The following RTN4 variants were observed in gnomAD, a reference collection of about 807,000 sequenced individuals.
RTN4 encodes reticulon 4, also known as reticulon-4.
RTN4 carries 32 observed loss-of-function variants against 90.4 expected under a neutral mutation model. The observed-to-expected ratio is 0.35, with a 90% CI of 0.27 to 0.48. The LOEUF is 0.48. Among genes scored for constraint, RTN4 ranks in the 20% least tolerant of loss-of-function variants. RTN4 has a pLI of 0.99. For missense variants in RTN4, 1,706 were observed against 1,430.2 expected (o/e 1.19, Z -3.11); for synonymous variants, 629 against 552.5 (o/e 1.14, Z -1.94).
chr2:55,009,281 A>T (rs2104783759), intron 3 of RTN4, among the ~76,000 whole-genome samples: 1 of 152,298 alleles, frequency 6.6e-6, no homozygotes, highest in East Asian at 1.9e-4. Flanking sequence ...AAGGTAATTT[A>T]TTATAAGTGG....
intron 3 of RTN4, chr2:55,010,518 G>A (rs1680557177): frequency 4.4e-6 from 1 of 226,216 alleles, no homozygotes; most frequent in Non-Finnish European, 7.5e-6. Flanking sequence ...GCCATATGCA[G>A]TTTTTTTTTC....
At chr2:55,041,555 C>T (rs1232196856) in intron 1 of RTN4, among the ~76,000 whole-genome samples, 1 of 151,942 alleles carries the variant, frequency 6.6e-6, no homozygotes, top group African/African-American at 2.4e-5. Flanking sequence ...AAATATTTCA[C>T]CCATACTACA....
At chr2:55,056,913 C>A (rs1394967850) in intron 2 of RTN4, among the ~76,000 whole-genome samples, 1 of 152,070 alleles carries the variant, frequency 6.6e-6, no homozygotes, top group Non-Finnish European at 1.5e-5. Flanking sequence ...AGAGGTTATG[C>A]AATAAGATAT....
At chr2:55,126,477 T>G in the RTN4 span, among the ~76,000 whole-genome samples, 1 of 151,942 alleles carries the variant, frequency 6.6e-6, no homozygotes, top group African/African-American at 2.4e-5. Flanking sequence ...CACAAGGAGA[T>G]ACCATCTCAC....
chr2:54,974,244 G>A (rs760862155), intron 6 of RTN4: 13 of 237,406 alleles, frequency 5.5e-5, no homozygotes, highest in Admixed American at 2.6e-4. Context: ...TCAATAAACC[G>A]GGAAGCAGTA....
chr2:55,044,970 C>A (rs1683324584), intron 1 of RTN4, among the ~76,000 whole-genome samples: 2 of 152,096 alleles, frequency 1.3e-5, no homozygotes, highest in South Asian at 4.1e-4. Context: ...ATGGACAGGG[C>A]ATGACTTTCT....
intron 1 of RTN4, among the ~76,000 whole-genome samples, chr2:55,103,297 G>A (rs1211623075): frequency 3.3e-5 from 5 of 151,968 alleles, no homozygotes; most frequent in Non-Finnish European, 2.9e-5. Context: ...GAGTAGAATT[G>A]TGGTTACCAG....
At chr2:55,129,485 T>C in the RTN4 span, among the ~76,000 whole-genome samples, 1 of 152,066 alleles carries the variant, frequency 6.6e-6, no homozygotes, top group African/African-American at 2.4e-5. Context: ...GAGGTTGAGA[T>C]AGGAGGATTG....
At chr2:55,094,799 C>CTGTCAGA (rs1669002241) in intron 1 of RTN4, among the ~76,000 whole-genome samples, 1 of 152,148 alleles carries the variant, frequency 6.6e-6, no homozygotes, top group African/African-American at 2.4e-5. Flanking sequence ...CTGACAGTTA[C>CTGTCAGA]CCCTGAGTTA....
chr2:55,074,370 G>T (rs1668564658), intron 2 of RTN4, among the ~76,000 whole-genome samples: 1 of 151,804 alleles, frequency 6.6e-6, no homozygotes, highest in Admixed American at 6.6e-5. Context: ...AGGTGTGGGG[G>T]CACACTCCTG....
At chr2:55,098,549 A>T (rs1351326141) in intron 1 of RTN4, among the ~76,000 whole-genome samples, 1 of 152,090 alleles carries the variant, frequency 6.6e-6, no homozygotes, top group East Asian at 1.9e-4. Context: ...TATCAGTAAA[A>T]GAGAAGAGTT....
intron 3 of RTN4, among the ~76,000 whole-genome samples, chr2:54,996,277 T>C (rs1269329045): frequency 6.6e-6 from 1 of 152,164 alleles, no homozygotes; most frequent in African/African-American, 2.4e-5. Context: ...CTCAAATTGA[T>C]CTAAAATACA....
intron 3 of RTN4, among the ~76,000 whole-genome samples, chr2:55,015,293 C>CA (rs1558806248): frequency 1.3e-5 from 2 of 152,048 alleles, no homozygotes; most frequent in Admixed American, 1.3e-4. Context: ...ACTCTAACAC[C>CA]AAAAAAATAC....
intron 1 of RTN4, among the ~76,000 whole-genome samples, chr2:55,086,463 C>T (rs975711409): frequency 2.0e-5 from 3 of 150,480 alleles, no homozygotes; most frequent in Middle Eastern, 3.4e-3. Context: ...GAATTCAAGA[C>T]CACCCTGGGC....
intron 1 of RTN4, among the ~76,000 whole-genome samples, chr2:55,110,870 G>T (rs1420398500): frequency 1.3e-5 from 2 of 152,100 alleles, no homozygotes; most frequent in African/African-American, 4.8e-5. Flanking sequence ...GCAAAACCCT[G>T]TCTCTACTAA....
chr2:55,056,913 C>G (rs1394967850), intron 2 of RTN4, among the ~76,000 whole-genome samples: 1 of 152,070 alleles, frequency 6.6e-6, no homozygotes, highest in African/African-American at 2.4e-5. Flanking sequence ...AGAGGTTATG[C>G]AATAAGATAT....
chr2:55,134,819 T>G, the RTN4 span, among the ~76,000 whole-genome samples: 514 of 152,316 alleles, frequency 3.4e-3, 6 homozygotes, highest in African/African-American at 0.012. Context: ...GAGGAGTTAC[T>G]TACTCAGGGT....
intron 2 of RTN4, among the ~76,000 whole-genome samples, chr2:55,063,416 CA>C (rs1279381822): frequency 1.3e-5 from 2 of 151,902 alleles, no homozygotes; most frequent in South Asian, 2.1e-4. Context: ...TTGGCATGTT[CA>C]CAGAATTAAA....
chr2:55,022,318 C>T (rs922213284), intron 3 of RTN4, among the ~76,000 whole-genome samples: 1 of 152,140 alleles, frequency 6.6e-6, no homozygotes, highest in Non-Finnish European at 1.5e-5. Context: ...CCTCCTAAAC[C>T]ATTTTACTGT....
Sources: gnomAD v4.1 joint callset for allele counts (sites outside exome capture counted in the v4.1 genomes callset) on GRCh38, gnomAD v4.1.1 for gene constraint, MANE v1.5 for transcripts, NCBI Gene and HGNC (gene_info 2026-07-23, HGNC 2026-07-21) for gene names.